Variants in C1orf21 observed in about 807,000 individuals in gnomAD.
C1orf21 encodes uncharacterized protein C1orf21.
Under a neutral mutation model 18.7 loss-of-function variants are expected in C1orf21, and 3 were observed. The ratio of observed to expected loss-of-function variants is 0.16; its 90% CI spans 0.07 to 0.42. C1orf21 has a LOEUF of 0.42. Among genes scored for constraint, C1orf21 ranks in the 10% least tolerant of loss-of-function variants. The pLI is 0.99. For missense variants in C1orf21, 104 were observed against 143.6 expected (o/e 0.72, Z 1.41); for synonymous variants, 41 against 46.4 (o/e 0.88, Z 0.47).
intron 2 of C1orf21, among the ~76,000 whole-genome samples, chr1:184,482,389 G>A (rs914042043): frequency 1.3e-5 from 2 of 152,246 alleles, no homozygotes; most frequent in Non-Finnish European, 2.9e-5. Context: ...ATGAAAGCAA[G>A]TCATAAGACC....
intron 1 of C1orf21, among the ~76,000 whole-genome samples, chr1:184,432,278 C>T (rs1309227746): frequency 6.6e-6 from 1 of 152,156 alleles, no homozygotes; most frequent in Non-Finnish European, 1.5e-5. Flanking sequence ...AATCTAAGTG[C>T]CCATCAGTGA....
At chr1:184,577,768 T>C (rs1238822904) in intron 3 of C1orf21, among the ~76,000 whole-genome samples, 1 of 152,198 alleles carries the variant, frequency 6.6e-6, no homozygotes, top group African/African-American at 2.4e-5. Flanking sequence ...TGGTGGGTTT[T>C]TATTTGTTAA....
intron 3 of C1orf21, among the ~76,000 whole-genome samples, chr1:184,553,837 G>A (rs982614747): frequency 2.1e-4 from 32 of 152,196 alleles, no homozygotes; most frequent in African/African-American, 7.2e-4. Context: ...CACACAGGAG[G>A]AGAGGAACAA....
rs191403650 is a variant in C1orf21, at chr1:184,495,220, C to G, written c.95-12368C>G. Among the ~76,000 whole-genome samples the G allele has an allele frequency of 1.9e-3, 285 of 152,286 alleles. 3 individuals carry two copies. The highest frequency in any genetic ancestry group is 2.9e-3 in the South Asian group (14 of 4,832). On this transcript the variant is annotated intron_variant, in intron 2 of 5. Transcript: ENST00000235307. ...TTTCACCTGGCTCTTGCCTTCCCCCCGCAACATAGACTCTCATCCCTACAC... is the reference window on the plus strand; with the variant it reads ...TTTCACCTGGCTCTTGCCTTCCCCCGGCAACATAGACTCTCATCCCTACAC...
intron 5 of C1orf21, among the ~76,000 whole-genome samples, chr1:184,603,328 T>A (rs1479505485): frequency 6.6e-6 from 1 of 152,218 alleles, no homozygotes; most frequent in African/African-American, 2.4e-5. Flanking sequence ...CCTTCCTGTC[T>A]GTAAAAATAG....
At chr1:184,568,523 G>T in intron 3 of C1orf21, 1 of 450,904 alleles carries the variant, frequency 2.2e-6, no homozygotes. Flanking sequence ...ATATTTATTG[G>T]CATTACAACC....
At chr1:184,468,894 G>A (rs981248850) in intron 1 of C1orf21, among the ~76,000 whole-genome samples, 3 of 151,292 alleles carry the variant, frequency 2.0e-5, no homozygotes, top group Non-Finnish European at 4.4e-5. Context: ...CTCCAGCCTG[G>A]GCAATACAGC....
intron 1 of C1orf21, among the ~76,000 whole-genome samples, chr1:184,473,653 A>G (rs1403902800): frequency 6.6e-6 from 1 of 152,178 alleles, no homozygotes; most frequent in African/African-American, 2.4e-5. Context: ...ATATCAGGCT[A>G]TAAAAGAGAT....
chr1:184,577,014 G>A (rs1659200312), intron 3 of C1orf21, among the ~76,000 whole-genome samples: 1 of 152,104 alleles, frequency 6.6e-6, no homozygotes, highest in East Asian at 1.9e-4. Flanking sequence ...TGCATGTGGG[G>A]TGGGTGTGAC....
chr1:184,619,703 G>A lies in C1orf21; in HGVS notation c.*147G>A. ...ATATTGTACGCCCCATTAAATTACA[G>A]TGTTTCTTAATGAACTTGCAAAGGA... On this transcript the variant is annotated 3_prime_UTR_variant, in exon 6 of 6. Coordinates refer to ENST00000235307, the MANE Select transcript of C1orf21 (RefSeq NM_030806.4). 1 of 596,812 alleles carries A rather than the reference G, an allele frequency of 1.7e-6. No homozygotes were observed. The highest frequency in any genetic ancestry group is 3.2e-5 in the East Asian group (1 of 31,492). 37.0% of individuals were successfully genotyped at this position (596,812 alleles called of 1,614,324 possible).
intron 2 of C1orf21, among the ~76,000 whole-genome samples, chr1:184,496,889 T>C (rs1657902350): frequency 6.6e-6 from 1 of 152,228 alleles, no homozygotes; most frequent in African/African-American, 2.4e-5. Context: ...TTGCACATCT[T>C]TTTTGAGAAA....
intron 3 of C1orf21, among the ~76,000 whole-genome samples, chr1:184,557,023 CT>C (rs1658888437): frequency 1.3e-5 from 2 of 152,092 alleles, no homozygotes; most frequent in African/African-American, 4.8e-5. Flanking sequence ...GTAGTTTCTC[CT>C]CATTGACAAA....
intron 1 of C1orf21, among the ~76,000 whole-genome samples, chr1:184,457,780 A>G (rs1657243814): frequency 6.6e-6 from 1 of 152,220 alleles, no homozygotes; most frequent in Admixed American, 6.5e-5. Flanking sequence ...AGCTTTGAGT[A>G]TCCTGAAGCA....
intron 1 of C1orf21, among the ~76,000 whole-genome samples, chr1:184,422,176 A>T (rs1374616034): frequency 6.6e-6 from 1 of 152,192 alleles, no homozygotes; most frequent in Non-Finnish European, 1.5e-5. Context: ...GTGCAGCATC[A>T]GGGCCGTGTG....
At chr1:184,481,580 C>A (rs1404629603) in intron 2 of C1orf21, among the ~76,000 whole-genome samples, 1 of 152,124 alleles carries the variant, frequency 6.6e-6, no homozygotes, top group Non-Finnish European at 1.5e-5. Context: ...TTACCCCAAG[C>A]CCACCTGGTC....
At position 184,477,441 on chromosome 1, in the gene C1orf21, A is replaced by G; in HGVS notation, c.-69A>G. The G allele has an allele frequency of 7.4e-7, 1 of 1,352,990 alleles. No individual in the cohort carries two copies. The highest frequency in any genetic ancestry group is 1.0e-6 in the Non-Finnish European group (1 of 969,466). 83.8% of individuals were successfully genotyped at this position (1,352,990 alleles called of 1,614,324 possible). On this transcript the variant is annotated 5_prime_UTR_variant, in exon 2 of 6. Transcript: ENST00000235307. ...GGTGGATTTTCTTTGTGTTTAAAGA[A>G]AAAAAATGTCCCTGTGTCTGTAGAG... is the stretch of plus-strand genomic sequence containing the variant.
At chr1:184,519,860 A>G (rs530927062) in intron 3 of C1orf21, among the ~76,000 whole-genome samples, 107 of 152,244 alleles carry the variant, frequency 7.0e-4, no homozygotes, top group Non-Finnish European at 8.8e-4. Flanking sequence ...AATACCCAGT[A>G]TTAACGGAGA....
chr1:184,465,343 T>A (rs891152731), intron 1 of C1orf21, among the ~76,000 whole-genome samples: 1 of 152,200 alleles, frequency 6.6e-6, no homozygotes, highest in Admixed American at 6.6e-5. Context: ...CTGATTTCCA[T>A]TGGACATGAC....
Position 184,403,181 on chromosome 1 carries a change from A to C in C1orf21, c.-125+15813A>C, listed in dbSNP as rs145504171. On this transcript the variant is annotated intron_variant, in intron 1 of 5. Transcript: ENST00000235307. ...AAAGTAACACTGTTGATAATACTGA[A>C]ACCCTGCAAACAGTGTATATGTCTA... Among the ~76,000 whole-genome samples, 15 of 152,360 alleles carry C rather than the reference A, an allele frequency of 9.8e-5. No homozygotes were observed. In the East Asian group the frequency reaches 2.9e-3, roughly 29 times the overall value.
Sources: allele counts gnomAD v4.1 joint callset (sites outside exome capture counted in the v4.1 genomes callset), GRCh38; gene constraint gnomAD v4.1.1; transcripts MANE v1.5; gene names NCBI Gene and HGNC (gene_info 2026-07-23, HGNC 2026-07-21).